ADAM18: variants seen among roughly 807,000 people sequenced by gnomAD.
The protein encoded by ADAM18 is ADAM metallopeptidase domain 18, also known as disintegrin and metalloproteinase domain-containing protein 18.
In ADAM18, 117 loss-of-function variants were observed where a neutral mutation model predicts 94.4. The ratio of observed to expected loss-of-function variants is 1.24; its 90% CI spans 1.07 to 1.45. The LOEUF (loss-of-function observed/expected upper bound fraction) is 1.45, where lower values mean the gene tolerates loss of function less well. ADAM18 is among the 40% of genes most tolerant of loss of function. The probability of loss-of-function intolerance (pLI) is 0.00; values close to 1 mark genes in which losing one functional copy is unlikely to be tolerated. For missense variants in ADAM18, 936 were observed against 880.0 expected (o/e 1.06, Z -0.81); for synonymous variants, 327 against 291.6 (o/e 1.12, Z -1.24).
chr8:39,650,007 CA>C (rs1820488814), intron 12 of ADAM18, among the ~76,000 whole-genome samples: 1 of 152,094 alleles, frequency 6.6e-6, no homozygotes, highest in Non-Finnish European at 1.5e-5. Context: ...ATAGTTGCAA[CA>C]GATACTATAT....
At chr8:39,700,146 TA>T (rs1256618007) in intron 17 of ADAM18, among the ~76,000 whole-genome samples, 3 of 152,188 alleles carry the variant, frequency 2.0e-5, no homozygotes, top group Non-Finnish European at 1.5e-5. Context: ...AAATTAAAGT[TA>T]TGGCATTACT....
rs71294798 is a variant in ADAM18 at position 39,715,474 on chromosome 8, GA to G, written c.2018-8264del. ...CAGTACAGTAAAAATTGATAAAATA[GA>G]AAAAAAAAAGCAAATCAATAAAGGA... On this transcript the variant is annotated intron_variant, in intron 18 of 19. Coordinates refer to ENST00000265707, the MANE Select transcript of ADAM18 (RefSeq NM_014237.3). Among the ~76,000 whole-genome samples, 205 of 143,978 alleles carry G rather than the reference GA, an allele frequency of 1.4e-3. 1 individual carries two copies. The highest frequency in any genetic ancestry group is 4.6e-3 in the African/African-American group (181 of 39,510). The allele number at this position is 143,978 out of a possible 152,430, so 94.5% of individuals were successfully genotyped here.
chr8:39,602,188 T>A (rs900516966), intron 2 of ADAM18, among the ~76,000 whole-genome samples: 1 of 152,212 alleles, frequency 6.6e-6, no homozygotes, highest in Non-Finnish European at 1.5e-5. Context: ...TACCCCACAG[T>A]GAGGTTTTAA....
chr8:39,633,892 G>A (rs1329669471), intron 7 of ADAM18, among the ~76,000 whole-genome samples: 1 of 151,366 alleles, frequency 6.6e-6, no homozygotes, highest in Non-Finnish European at 1.5e-5. Context: ...AGAATAGCAA[G>A]AGTGTGTCAA....
chr8:39,596,647 T>C (rs529853301), intron 2 of ADAM18, among the ~76,000 whole-genome samples: 1 of 152,336 alleles, frequency 6.6e-6, no homozygotes, highest in East Asian at 1.9e-4. Flanking sequence ...TCTGTATAGA[T>C]ATTTGTATGG....
intron 14 of ADAM18, among the ~76,000 whole-genome samples, chr8:39,669,360 A>C (rs1821087475): frequency 6.6e-6 from 1 of 151,136 alleles, no homozygotes; most frequent in African/African-American, 2.4e-5. Context: ...CATGTGCACA[A>C]CATGCAGGTT....
chr8:39,600,811 G>C (rs4582528), intron 2 of ADAM18, among the ~76,000 whole-genome samples: 138,651 of 152,286 alleles, frequency 0.91, 63,301 homozygotes, highest in Middle Eastern at 0.98. Flanking sequence ...CATGACTGGG[G>C]TTTTGAATGT....
chr8:39,709,864 G>A (rs1328912513), intron 18 of ADAM18, among the ~76,000 whole-genome samples: 2 of 152,304 alleles, frequency 1.3e-5, no homozygotes, highest in Non-Finnish European at 2.9e-5. Flanking sequence ...TGATCAATGT[G>A]TTTTATGTAT....
chr8:39,658,707 C>G (rs1455170013), intron 12 of ADAM18, among the ~76,000 whole-genome samples: 2 of 152,128 alleles, frequency 1.3e-5, no homozygotes, highest in Non-Finnish European at 2.9e-5. Context: ...CACAGTTACA[C>G]TAAGTAATAA....
chr8:39,695,086 T>G (rs189181686), intron 17 of ADAM18, among the ~76,000 whole-genome samples: 28 of 151,684 alleles, frequency 1.8e-4, no homozygotes, highest in Non-Finnish European at 3.6e-4. Flanking sequence ...TTGAATAATA[T>G]TCCACTGTAC....
intron 16 of ADAM18, chr8:39,685,557 G>T (rs1563306105): frequency 1.3e-5 from 2 of 152,276 alleles, no homozygotes; most frequent in East Asian, 1.9e-4. Context: ...CATTGAGTTG[G>T]GGAATATCAC....
chr8:39,622,322 CAT>C (rs1035591705), intron 6 of ADAM18, among the ~76,000 whole-genome samples: 1 of 148,926 alleles, frequency 6.7e-6, no homozygotes, highest in South Asian at 2.1e-4. Context: ...ATACATAATA[CAT>C]ATATATAATG....
chr8:39,685,381 G>C (rs145844254), intron 16 of ADAM18: 52 of 152,404 alleles, frequency 3.4e-4, no homozygotes, highest in African/African-American at 1.2e-3. Flanking sequence ...TTGCTATAAT[G>C]CAGGGAATAG....
intron 12 of ADAM18, 84 bp from the exon 13 acceptor site, chr8:39,663,711 G>T: frequency 1.3e-6 from 1 of 743,180 alleles, no homozygotes; most frequent in African/African-American, 1.9e-5. Context: ...GTACACAACA[G>T]AATATTAAAT....
intron 9 of ADAM18, among the ~76,000 whole-genome samples, chr8:39,637,992 A>G (rs1262436881): frequency 6.6e-6 from 1 of 151,980 alleles, no homozygotes; most frequent in Non-Finnish European, 1.5e-5. Flanking sequence ...TTAGTTTATG[A>G]ATGATGTAAA....
intron 2 of ADAM18, among the ~76,000 whole-genome samples, chr8:39,603,818 T>A (rs1246281441): frequency 6.6e-6 from 1 of 152,222 alleles, no homozygotes; most frequent in African/African-American, 2.4e-5. Flanking sequence ...TAAATTCTTA[T>A]TAGTTGATAT....
At chr8:39,654,421 G>T (rs545107829) in intron 12 of ADAM18, among the ~76,000 whole-genome samples, 29 of 147,134 alleles carry the variant, frequency 2.0e-4, no homozygotes, top group Admixed American at 2.0e-4. Flanking sequence ...TATAAACCAC[G>T]TTTTCTTTTT....
chr8:39,594,781 A>C (rs1179607722), intron 2 of ADAM18, among the ~76,000 whole-genome samples: 1 of 102,920 alleles, frequency 9.7e-6, no homozygotes. Context: ...ACTATGATGC[A>C]TTTTGCTGTG....
At chr8:39,633,955 ACACAAGAGCAGAATAACCCCAAAGACAT>A (rs1820004466) in intron 7 of ADAM18, among the ~76,000 whole-genome samples, 1 of 152,138 alleles carries the variant, frequency 6.6e-6, no homozygotes. Context: ...CTATTTATCA[ACACAAGAGCAGAATAACCCCAAAGACAT>A]TTTGGAGATC....
Sources: allele counts gnomAD v4.1 joint callset (sites outside exome capture counted in the v4.1 genomes callset), GRCh38; gene constraint gnomAD v4.1.1; transcripts MANE v1.5; gene names NCBI Gene and HGNC (gene_info 2026-07-23, HGNC 2026-07-21).